ZBBX: variants seen among roughly 807,000 people sequenced by gnomAD.
ZBBX encodes zinc finger B-box domain containing.
In ZBBX, 101 loss-of-function variants were observed where a neutral mutation model predicts 108.5. The observed-to-expected ratio is 0.93, with a 90% CI of 0.79 to 1.10. The LOEUF (loss-of-function observed/expected upper bound fraction) is 1.10, where lower values mean the gene tolerates loss of function less well. ZBBX is among the 50% of genes least tolerant of loss of function. ZBBX has a pLI of 0.00. For missense variants in ZBBX, 1,009 were observed against 941.4 expected (o/e 1.07, Z -0.94); for synonymous variants, 356 against 323.4 (o/e 1.10, Z -1.08).
intron 2 of ZBBX, among the ~76,000 whole-genome samples, chr3:167,374,046 C>A (rs1746575171): frequency 6.6e-6 from 1 of 151,888 alleles, no homozygotes; most frequent in East Asian, 1.9e-4. Flanking sequence ...TAAAAGTATA[C>A]CAAGTATTTG....
chr3:167,336,007 C>G (rs1739483165), intron 9 of ZBBX, among the ~76,000 whole-genome samples: 1 of 152,078 alleles, frequency 6.6e-6, no homozygotes, highest in Non-Finnish European at 1.5e-5. Flanking sequence ...AACTAAGCCT[C>G]ATTTAAAATG....
chr3:167,299,533 T>C (rs1001869617), intron 17 of ZBBX, among the ~76,000 whole-genome samples: 2 of 152,122 alleles, frequency 1.3e-5, no homozygotes, highest in Admixed American at 1.3e-4. Context: ...AAAATAGTTA[T>C]GTTTTGTCTA....
rs763646295 is a variant in ZBBX, at chr3:167,359,957, A to C, written c.345T>G (p.Asn115Lys). Residue 115 changes from asparagine to lysine, a missense_variant, in exon 8 of 22, where the codon AAT (asparagine) becomes AAG (lysine). Coordinates refer to ENST00000675490, the MANE Select transcript of ZBBX (RefSeq NM_001199201.2). ...QIQEPVKPTVNYKMANSSECE... is the reference protein window; with the variant it reads ...QIQEPVKPTVKYKMANSSECE... ...ATTCTGAAGAATTTGCCATTTTATA[A>C]TTAACTGTTGGTTTCACTGGCTCTG... The C allele has an allele frequency of 6.3e-7, 1 of 1,593,660 alleles. No homozygotes were observed. The highest frequency in any genetic ancestry group is 8.6e-7 in the Non-Finnish European group (1 of 1,168,282).
chr3:167,219,101 A>G, the ZBBX span, among the ~76,000 whole-genome samples: 1 of 152,052 alleles, frequency 6.6e-6, no homozygotes, highest in Non-Finnish European at 1.5e-5. Flanking sequence ...CAAGTTTAAT[A>G]TGTTCACAAC....
chr3:167,291,457 G>T (rs1730680670), intron 18 of ZBBX, among the ~76,000 whole-genome samples: 1 of 152,072 alleles, frequency 6.6e-6, no homozygotes, highest in East Asian at 1.9e-4. Flanking sequence ...GCCAAACTAA[G>T]CTTCATAAGC....
rs1560086259 is a variant in ZBBX at position 167,295,759 on chromosome 3, A to ATAT, written c.1879+2545_1879+2546insATA. On this transcript the variant is annotated intron_variant, in intron 18 of 21. Transcript: ENST00000675490. ...TATATATATATATATATATATATAT[A>ATAT]AAAAAAACTAGTAAGGAGATTAAAT... 6.2e-3 allele frequency among the ~76,000 whole-genome samples: 13 copies of ATAT among 2,090 alleles called. 1 individual carries two copies. The highest frequency in any genetic ancestry group is 8.3e-3 in the Non-Finnish European group (11 of 1,320). 1.4% of individuals were successfully genotyped at this position (2,090 alleles called of 152,430 possible). A position where few individuals can be genotyped will look rare whatever the true frequency, so the allele number is the denominator to read the frequency against.
intron 4 of ZBBX, among the ~76,000 whole-genome samples, chr3:167,370,298 G>A (rs996406374): frequency 1.3e-5 from 2 of 152,180 alleles, no homozygotes; most frequent in Non-Finnish European, 2.9e-5. Flanking sequence ...CCAGAAGTAG[G>A]TGACTGATTA....
At chr3:167,209,631 T>G in the ZBBX span, among the ~76,000 whole-genome samples, 1 of 152,166 alleles carries the variant, frequency 6.6e-6, no homozygotes, top group East Asian at 1.9e-4. Flanking sequence ...CAAGCCCAGA[T>G]AGCAAAGACT....
chr3:167,273,458 C>A (rs1560053951), intron 20 of ZBBX, among the ~76,000 whole-genome samples: 1 of 152,134 alleles, frequency 6.6e-6, no homozygotes, highest in South Asian at 2.1e-4. Context: ...TCCCAAAGTG[C>A]AACACCCTGT....
At chr3:167,326,631 A>G (rs1287679811) in intron 11 of ZBBX, among the ~76,000 whole-genome samples, 1 of 151,932 alleles carries the variant, frequency 6.6e-6, no homozygotes, top group African/African-American at 2.4e-5. Context: ...CAAAAAAAAA[A>G]TTGCATGAAG....
chr3:167,354,059 C>A (rs1743118998), intron 8 of ZBBX, among the ~76,000 whole-genome samples: 1 of 151,972 alleles, frequency 6.6e-6, no homozygotes, highest in Non-Finnish European at 1.5e-5. Context: ...ATAGCTTAGC[C>A]TAGCTAACCT....
chr3:167,341,586 G>A (rs1169635520), intron 9 of ZBBX, among the ~76,000 whole-genome samples: 1 of 151,830 alleles, frequency 6.6e-6, no homozygotes, highest in Non-Finnish European at 1.5e-5. Context: ...TCTCAAAAGT[G>A]AGACAGAATA....
chr3:167,373,531 A>G (rs1746482605), intron 3 of ZBBX, among the ~76,000 whole-genome samples, 175 bp downstream of exon 3: 3 of 152,218 alleles, frequency 2.0e-5, no homozygotes, highest in Admixed American at 2.0e-4. Context: ...TACAACTTCT[A>G]ATTTCCCCCA....
intron 18 of ZBBX, among the ~76,000 whole-genome samples, chr3:167,293,881 A>T (rs1273408347): frequency 6.6e-6 from 1 of 152,188 alleles, no homozygotes; most frequent in African/African-American, 2.4e-5. Flanking sequence ...AAAAATCACA[A>T]GCATTCCTAT....
chr3:167,254,762 A>T (rs567030941), intron 20 of ZBBX, among the ~76,000 whole-genome samples: 1 of 151,944 alleles, frequency 6.6e-6, no homozygotes, highest in African/African-American at 2.4e-5. Flanking sequence ...CCCTGTGTTT[A>T]AAAAAAATGC....
In ZBBX at chr3:167,393,285, T is replaced by G. The variant is rs188238379; in HGVS notation, c.-445-12880A>C. On this transcript the variant is annotated intron_variant, in intron 1 of 21. Transcript: ENST00000455345. ...CCCTAAGTAAAAGGAAAAATTAACT[T>G]CTATGTTATTTAAGCCACTATATTT... Among the ~76,000 whole-genome samples the G allele has an allele frequency of 1.1e-3, 164 of 151,918 alleles. 1 individual carries two copies. The highest frequency in any genetic ancestry group is 3.7e-3 in the African/African-American group (155 of 41,494).
intron 1 of ZBBX, among the ~76,000 whole-genome samples, chr3:167,401,957 G>A (rs990775712): frequency 6.6e-6 from 1 of 152,136 alleles, no homozygotes; most frequent in African/African-American, 2.4e-5. Context: ...GATTTCCAGA[G>A]AAAGGTGCCC....
At chr3:167,186,325 A>G in the ZBBX span, among the ~76,000 whole-genome samples, 14 of 152,224 alleles carry the variant, frequency 9.2e-5, no homozygotes, top group Non-Finnish European at 1.2e-4. Context: ...CTAGGGACCA[A>G]GAGTTGTTCA....
chr3:167,403,014 A>G (rs6779528), intron 1 of ZBBX, among the ~76,000 whole-genome samples: 88,354 of 152,002 alleles, frequency 0.58, 27,188 homozygotes, highest in African/African-American at 0.8. Flanking sequence ...AATAAGTCAG[A>G]GTACAAAAGA....
Sources: allele counts gnomAD v4.1 joint callset (sites outside exome capture counted in the v4.1 genomes callset), GRCh38; gene constraint gnomAD v4.1.1; transcripts MANE v1.5; gene names NCBI Gene and HGNC (gene_info 2026-07-23, HGNC 2026-07-21).